Variants in TMEM50A observed in about 807,000 individuals in gnomAD.
TMEM50A encodes cervical cancer oncogene 9.
In TMEM50A, 8 loss-of-function variants were observed where a neutral mutation model predicts 23.9. The observed-to-expected ratio is 0.33, with a 90% confidence interval of 0.20 to 0.60. TMEM50A has a LOEUF of 0.60. Ranked by LOEUF, TMEM50A falls within the 20% of genes least tolerant of loss-of-function variation. The pLI, the probability that TMEM50A is intolerant of heterozygous loss-of-function variation, is 0.81. For missense variants in TMEM50A, 178 were observed against 192.7 expected (o/e 0.92, Z 0.45); for synonymous variants, 55 against 60.4 (o/e 0.91, Z 0.41).
chr1:25,340,187 C>G (rs1041094781), intron 1 of TMEM50A, among the ~76,000 whole-genome samples: 12 of 152,170 alleles, frequency 7.9e-5, no homozygotes, highest in African/African-American at 2.4e-4. Context: ...CCACCCACCT[C>G]AGCCTCCCAA....
chr1:25,351,541 C>A, intron 3 of TMEM50A, 85 bp from the exon 4 acceptor site: 3 of 1,220,734 alleles, frequency 2.5e-6, no homozygotes, highest in South Asian at 1.5e-5. Flanking sequence ...TCAGGCCTAA[C>A]CTTACATTTG....
chr1:25,342,850 T>C, intron 2 of TMEM50A, 111 bp from the exon 3 acceptor site: 1 of 768,656 alleles, frequency 1.3e-6, no homozygotes, highest in East Asian at 2.8e-5. Context: ...GGGAAAAAGC[T>C]AGAACATTTT....
rs1645243333 is a variant in TMEM50A at position 25,348,590 on chromosome 1, C to T, written c.207-3036C>T. ...GTCCTAGCTACTCAGGAGGCTGAGG[C>T]AGGGGAATCGCTTGAACCCGGGAGG... On this transcript the variant is annotated intron_variant, in intron 3 of 6. Transcript: ENST00000374358. 2.7e-5 allele frequency among the ~76,000 whole-genome samples: 4 copies of T among 150,476 alleles called. No homozygotes were observed. In the Admixed American group the frequency reaches 2.7e-4, roughly 10 times the overall value.
intron 6 of TMEM50A, among the ~76,000 whole-genome samples, chr1:25,359,954 C>A (rs1352097645): frequency 6.6e-6 from 1 of 152,160 alleles, no homozygotes; most frequent in African/African-American, 2.4e-5. Flanking sequence ...CCCACACTTA[C>A]CACATCACGT....
Position 25,343,038 on chromosome 1 carries a change from T to C in TMEM50A, c.171T>C (p.His57=), listed in dbSNP as rs1325513465. ...PTMKDFNHSY[H]ACGVIATIAF... The stretch of plus-strand genomic sequence containing the variant: ...TGAAAGATTTCAACCACTCATACCA[T>C]GCCTGTGGTGTTATAGCAACCATAG... The change falls in exon 3 of 7, where the codon CAT becomes CAC. Residue 57 remains histidine (H), a synonymous_variant. Transcript: ENST00000374358. 2.5e-6 allele frequency: 4 copies of C among 1,613,448 alleles called. No homozygotes were observed. Among genetic ancestry groups the C allele is most frequent in the Non-Finnish European group, 8.5e-7 (1 of 1,179,840 alleles).
At chr1:25,346,932 T>C (rs1332658857) in intron 3 of TMEM50A, among the ~76,000 whole-genome samples, 1 of 151,986 alleles carries the variant, frequency 6.6e-6, no homozygotes, top group Non-Finnish European at 1.5e-5. Context: ...AGGTGGGGAA[T>C]CACTTGAATC....
intron 3 of TMEM50A, among the ~76,000 whole-genome samples, chr1:25,347,039 A>C (rs532222459): frequency 6.6e-6 from 1 of 151,170 alleles, no homozygotes; most frequent in African/African-American, 2.4e-5. Context: ...AACAAACAAA[A>C]AACGCATTTA....
At chr1:25,350,764 GTGTC>G (rs1488397033) in intron 3 of TMEM50A, among the ~76,000 whole-genome samples, 1 of 152,202 alleles carries the variant, frequency 6.6e-6, no homozygotes, top group Admixed American at 6.5e-5. Flanking sequence ...CATGCCCAGA[GTGTC>G]TGCTTTGCTA....
At chr1:25,346,541 A>C (rs1052947214) in intron 3 of TMEM50A, among the ~76,000 whole-genome samples, 2 of 152,074 alleles carry the variant, frequency 1.3e-5, no homozygotes, top group African/African-American at 4.8e-5. Context: ...GACTACTTGC[A>C]CATACCACCA....
chr1:25,349,992 T>G (rs1047496665), intron 3 of TMEM50A, among the ~76,000 whole-genome samples: 1 of 152,250 alleles, frequency 6.6e-6, no homozygotes, highest in Non-Finnish European at 1.5e-5. Flanking sequence ...AGGATACTTC[T>G]AAAGAAAGCA....
chr1:25,362,155 T>C lies in TMEM50A; in HGVS notation c.*1450T>C, dbSNP rs183329645. On this transcript the variant is annotated 3_prime_UTR_variant, in exon 7 of 7. Coordinates refer to ENST00000374358, the MANE Select transcript of TMEM50A (RefSeq NM_014313.4). ...ACTAAGTATCAGTGATTTGTAATTT[T>C]CCTGTTTTGTATTATCTGCTTTGCT... 190 of 387,372 alleles carry C rather than the reference T, an allele frequency of 4.9e-4. No homozygotes were observed. The highest frequency in any genetic ancestry group is 3.3e-3 in the African/African-American group (163 of 48,688). The allele number at this position is 387,372 out of a possible 1,614,324, so 24.0% of individuals were successfully genotyped here.
chr1:25,359,348 G>A (rs141398620), intron 6 of TMEM50A, among the ~76,000 whole-genome samples: 2 of 152,152 alleles, frequency 1.3e-5, no homozygotes, highest in African/African-American at 2.4e-5. Context: ...ATACAGTTGC[G>A]CTCTTGCCTC....
intron 3 of TMEM50A, among the ~76,000 whole-genome samples, chr1:25,345,995 C>T (rs1236895326): frequency 2.0e-5 from 3 of 151,852 alleles, no homozygotes; most frequent in Non-Finnish European, 4.4e-5. Context: ...ACCATGTTGG[C>T]CAGGCTGGTC....
chr1:25,343,099 C>T (rs375806505), intron 3 of TMEM50A, 26 bp downstream of exon 3: 1 of 1,521,874 alleles, frequency 6.6e-7, no homozygotes, highest in Non-Finnish European at 9.0e-7. Context: ...ATTGGCATTA[C>T]TTACATAGCT....
chr1:25,343,107 G>C, intron 3 of TMEM50A, 34 bp downstream of exon 3: 1 of 1,493,162 alleles, frequency 6.7e-7, no homozygotes, highest in South Asian at 1.2e-5. Context: ...TACTTACATA[G>C]CTTGCCACAA....
At chr1:25,348,079 C>T (rs1344934727) in intron 3 of TMEM50A, among the ~76,000 whole-genome samples, 1 of 152,178 alleles carries the variant, frequency 6.6e-6, no homozygotes, top group East Asian at 1.9e-4. Context: ...ACTATTCAAA[C>T]GTGTTTCCTG....
At chr1:25,354,928 T>C (rs1645318283) in intron 5 of TMEM50A, among the ~76,000 whole-genome samples, 1 of 151,800 alleles carries the variant, frequency 6.6e-6, no homozygotes, top group Non-Finnish European at 1.5e-5. Context: ...CCTGCCGCCA[T>C]GTCCAGCTAA....
rs537353824 is a variant in TMEM50A, at chr1:25,346,806, G to A, written c.206+3733G>A. Among the ~76,000 whole-genome samples, 182 of 152,206 alleles carry A rather than the reference G, an allele frequency of 1.2e-3. 1 individual carries two copies. Among genetic ancestry groups the A allele is most frequent in the Non-Finnish European group, 2.0e-3 (136 of 67,986 alleles). ...GGCCAAAGTGGGCGGATCACTTGAG[G>A]TCAGGAGTTCAAGACCAGCCTGGCC... is the stretch of plus-strand genomic sequence containing the variant. On this transcript the variant is annotated intron_variant, in intron 3 of 6. Transcript: ENST00000374358.
chr1:25,362,112 A>C lies in TMEM50A; in HGVS notation c.*1407A>C. ...CACCTTGTAAAACTGCTGGGAGAAAAGCATGATTCCCACAAGGACTAAGTA... is the reference window on the plus strand; with the variant it reads ...CACCTTGTAAAACTGCTGGGAGAAACGCATGATTCCCACAAGGACTAAGTA... On this transcript the variant is annotated 3_prime_UTR_variant, in exon 7 of 7. Coordinates refer to ENST00000374358, the MANE Select transcript of TMEM50A (RefSeq NM_014313.4). 3.2e-6 allele frequency: 1 copy of C among 316,694 alleles called. No individual in the cohort carries two copies. The highest frequency in any genetic ancestry group is 6.0e-6 in the Non-Finnish European group (1 of 167,210). The allele number at this position is 316,694 out of a possible 1,614,324, so 19.6% of individuals were successfully genotyped here. A position where few individuals can be genotyped will look rare whatever the true frequency, so the allele number is the denominator to read the frequency against.
Sources: allele counts gnomAD v4.1 joint callset (sites outside exome capture counted in the v4.1 genomes callset), GRCh38; gene constraint gnomAD v4.1.1; transcripts MANE v1.5; gene names NCBI Gene and HGNC (gene_info 2026-07-23, HGNC 2026-07-21).